The following CCDC81 variants were observed in gnomAD, a reference collection of about 807,000 sequenced individuals.
The protein encoded by CCDC81 is coiled-coil domain containing 81, also known as coiled-coil domain-containing protein 81.
Under a neutral mutation model 83.7 loss-of-function variants are expected in CCDC81, and 79 were observed. The observed-to-expected ratio is 0.94, with a 90% confidence interval of 0.79 to 1.14. CCDC81 has a LOEUF of 1.14. CCDC81 is among the 50% of genes most tolerant of loss of function. The pLI is 0.00. For synonymous variants in CCDC81, 252 were observed against 278.1 expected, an observed-to-expected ratio of 0.91 and a Z score of 0.93; for missense variants, 791 against 778.1, an observed-to-expected ratio of 1.02 and a Z score of -0.20.
chr11:86,412,409 G>T lies in CCDC81; in HGVS notation c.1241G>T (p.Arg414Leu). The change falls in exon 11 of 15, where the codon CGG becomes CTG. Residue 414 changes from arginine (R) to leucine (L), a missense_variant. Transcript: ENST00000445632. The part of the protein sequence containing the change: ...EFYKSFLFDK[R>L]PLSPALNALK... ...TAGAAATCCTTCCTATTTGACAAACGGCCACTCAGTCCTGCGCTTAATGCT... is the reference window on the plus strand; with the variant it reads ...TAGAAATCCTTCCTATTTGACAAACTGCCACTCAGTCCTGCGCTTAATGCT... 1 of 1,594,748 alleles carries T rather than the reference G, an allele frequency of 6.3e-7. No individual in the cohort carries two copies. Among genetic ancestry groups the T allele is most frequent in the Admixed American group, 1.8e-5 (1 of 54,598 alleles).
chr11:86,415,063 T>C, intron 12 of CCDC81, 30 bp from the exon 13 acceptor site: 8 of 1,605,124 alleles, frequency 5.0e-6, no homozygotes, highest in Non-Finnish European at 6.8e-6. Context: ...GGTAGAATGA[T>C]AACCTGCATT....
intron 6 of CCDC81, among the ~76,000 whole-genome samples, chr11:86,398,871 C>G (rs148880755): frequency 0.014 from 2,063 of 152,294 alleles, 21 homozygotes; most frequent in Middle Eastern, 0.031. Flanking sequence ...CCACACGCAG[C>G]CACAGACATT....
At chr11:86,406,709 G>A (rs1948571173) in intron 7 of CCDC81, among the ~76,000 whole-genome samples, 1 of 152,168 alleles carries the variant, frequency 6.6e-6, no homozygotes, top group Non-Finnish European at 1.5e-5. Flanking sequence ...GGAGGCCGAG[G>A]CAGGAGAATC....
intron 1 of CCDC81, among the ~76,000 whole-genome samples, chr11:86,384,313 G>C (rs919120412): frequency 4.6e-5 from 7 of 152,126 alleles, no homozygotes; most frequent in African/African-American, 1.4e-4. Context: ...ATGGGCTGTG[G>C]GGGTGGGGAG....
intron 6 of CCDC81, 93 bp downstream of exon 6, chr11:86,397,835 C>A: frequency 1.4e-5 from 19 of 1,361,442 alleles, no homozygotes; most frequent in East Asian, 2.6e-5. Flanking sequence ...GTTAAATTTA[C>A]AAATAATCAC....
At chr11:86,417,480 C>A (rs1485433363) in intron 13 of CCDC81, among the ~76,000 whole-genome samples, 1 of 151,834 alleles carries the variant, frequency 6.6e-6, no homozygotes, top group Non-Finnish European at 1.5e-5. Flanking sequence ...TATTACTCTG[C>A]AAACTAATCT....
intron 1 of CCDC81, among the ~76,000 whole-genome samples, chr11:86,375,540 C>T (rs1350539396): frequency 1.3e-5 from 2 of 152,164 alleles, no homozygotes; most frequent in Admixed American, 6.5e-5. Context: ...CCACACCACT[C>T]GCTGGGATGG....
rs1158263362 is a variant in CCDC81 at position 86,386,129 on chromosome 11, TATTAATTTATTAATAA to T, written c.141+32_141+47del. On this transcript the variant is annotated intron_variant, in intron 2 of 14. Coordinates refer to ENST00000445632, the MANE Select transcript of CCDC81 (RefSeq NM_001156474.2). ...CTGCACAAGGTAAGATTTATTAATT[TATTAATTTATTAATAA>T]ATTAATTTATTAATTTTAATGTAGG... 17 of 905,710 alleles carry T rather than the reference TATTAATTTATTAATAA, an allele frequency of 1.9e-5. No homozygotes were observed. Among genetic ancestry groups the T allele is most frequent in the South Asian group, 1.6e-4 (5 of 31,052 alleles). 56.1% of individuals were successfully genotyped at this position (905,710 alleles called of 1,614,324 possible).
intron 10 of CCDC81, among the ~76,000 whole-genome samples, chr11:86,410,076 A>T (rs1948620629): frequency 1.3e-5 from 2 of 152,140 alleles, no homozygotes; most frequent in Admixed American, 1.3e-4. Context: ...GTGGAATAAC[A>T]TCCCCAGGTG....
chr11:86,401,345 A>G (rs78588613), intron 7 of CCDC81, among the ~76,000 whole-genome samples: 2,074 of 152,304 alleles, frequency 0.014, 21 homozygotes, highest in Middle Eastern at 0.031. Context: ...TAAGACCTCA[A>G]ATCAGTCAAC....
At chr11:86,392,396 T>G (rs1345931238) in intron 3 of CCDC81, 145 bp from the exon 4 acceptor site, 2 of 904,552 alleles carry the variant, frequency 2.2e-6, no homozygotes, top group Non-Finnish European at 3.2e-6. Flanking sequence ...GTAATAATAT[T>G]ACATTGGGTA....
At chr11:86,395,446 A>C in intron 5 of CCDC81, 33 bp downstream of exon 5, 1 of 1,550,840 alleles carries the variant, frequency 6.4e-7, no homozygotes, top group Non-Finnish European at 8.9e-7. Flanking sequence ...TCCTCTAGGC[A>C]CTAGCACTCC....
At chr11:86,393,932 C>G (rs984971499) in intron 4 of CCDC81, among the ~76,000 whole-genome samples, 6 of 152,280 alleles carry the variant, frequency 3.9e-5, no homozygotes, top group African/African-American at 1.4e-4. Context: ...TTAATATCAT[C>G]TCAGTCTACC....
At chr11:86,395,704 T>G (rs963464482) in intron 5 of CCDC81, among the ~76,000 whole-genome samples, 19 of 152,204 alleles carry the variant, frequency 1.2e-4, no homozygotes, top group African/African-American at 4.6e-4. Flanking sequence ...CACTGCAACC[T>G]CGGTCTCCTG....
At chr11:86,396,665 C>T (rs779363377) in intron 5 of CCDC81, among the ~76,000 whole-genome samples, 1 of 152,100 alleles carries the variant, frequency 6.6e-6, no homozygotes, top group Non-Finnish European at 1.5e-5. Context: ...GGTTGTTTTC[C>T]AACCGCCTCA....
intron 2 of CCDC81, among the ~76,000 whole-genome samples, chr11:86,386,377 T>G (rs1948241624): frequency 6.6e-6 from 1 of 152,208 alleles, no homozygotes; most frequent in Non-Finnish European, 1.5e-5. Flanking sequence ...AGTGTAGTGC[T>G]GATCAGCCTG....
Position 86,415,259 on chromosome 11 carries a change from A to G in CCDC81, c.1637A>G (p.His546Arg). 4 of 1,614,224 alleles carry G rather than the reference A, an allele frequency of 2.5e-6. No homozygotes were observed. Among genetic ancestry groups the G allele is most frequent in the Non-Finnish European group, 3.4e-6 (4 of 1,180,038 alleles). The change falls in exon 13 of 15, where the codon CAT becomes CGT. Residue 546 changes from histidine to arginine, a missense_variant. Coordinates refer to ENST00000445632, the MANE Select transcript of CCDC81 (RefSeq NM_001156474.2). The part of the protein sequence containing the change: ...AANHKRKAIL[H>R]QLVDQRRDLQ... Reference sequence around the variant, plus strand: ...AACCACAAGAGGAAAGCCATCCTGCATCAACTAGTGGACCAGAGGCGGGAT... The same window carrying G: ...AACCACAAGAGGAAAGCCATCCTGCGTCAACTAGTGGACCAGAGGCGGGAT...
chr11:86,416,188 T>C lies in CCDC81; in HGVS notation c.1691+875T>C, dbSNP rs180996887. Among the ~76,000 whole-genome samples the C allele has an allele frequency of 2.5e-4, 38 of 152,374 alleles. No individual in the cohort carries two copies. In the East Asian group the frequency reaches 6.7e-3, roughly 27 times the overall value. On this transcript the variant is annotated intron_variant, in intron 13 of 14. Transcript: ENST00000445632. ...TTATTGTTGAGTTTTGAAAGTTCTTTATATATTCTGTATATAAGTCCTTTA... is the reference window on the plus strand; with the variant it reads ...TTATTGTTGAGTTTTGAAAGTTCTTCATATATTCTGTATATAAGTCCTTTA...
chr11:86,418,305 C>A (rs561772532), intron 13 of CCDC81, among the ~76,000 whole-genome samples: 76 of 152,138 alleles, frequency 5.0e-4, no homozygotes, highest in Non-Finnish European at 8.4e-4. Context: ...GGTGGTTCCT[C>A]AAAAAATTAA....
Sources: allele counts gnomAD v4.1 joint callset (sites outside exome capture counted in the v4.1 genomes callset), GRCh38; gene constraint gnomAD v4.1.1; transcripts MANE v1.5; gene names NCBI Gene and HGNC (gene_info 2026-07-23, HGNC 2026-07-21).